The following ZNF573 variants were observed in gnomAD, a reference collection of about 807,000 sequenced individuals.
ZNF573 encodes zinc finger protein 573.
In ZNF573, 41 loss-of-function variants were observed where a neutral mutation model predicts 57.4. The observed-to-expected ratio is 0.71, with a 90% CI of 0.56 to 0.93. The LOEUF is 0.93. Ranked by LOEUF, ZNF573 falls within the 40% of genes least tolerant of loss-of-function variation. The pLI, the probability that ZNF573 is intolerant of heterozygous loss-of-function variation, is 0.00. For synonymous variants in ZNF573, 249 were observed against 261.0 expected (o/e 0.95, Z 0.44); for missense variants, 730 against 794.8 (o/e 0.92, Z 0.98).
chr19:37,739,260 G>A lies in ZNF573; in HGVS notation c.1230C>T (p.Gly410=), dbSNP rs202206860. 3.3e-5 allele frequency: 53 copies of A among 1,613,216 alleles called. No homozygotes were observed. Among genetic ancestry groups the A allele is most frequent in the Admixed American group, 1.0e-4 (6 of 59,920 alleles). Residue 410 remains glycine (G), a synonymous_variant, in exon 5 of 5, where the codon GGC becomes GGT. Transcript: ENST00000536220. ...KLFQHQKTHT[G]EKPYECKECG... The stretch of plus-strand genomic sequence containing the variant: ...ATTCCTTGCATTCATAGGGTTTCTC[G>A]CCAGTATGAGTTTTCTGATGTTGAA...
At chr19:37,768,964 C>T (rs2045627747) in intron 4 of ZNF573, among the ~76,000 whole-genome samples, 1 of 150,772 alleles carries the variant, frequency 6.6e-6, no homozygotes, top group African/African-American at 2.4e-5. Flanking sequence ...CTGCGCCCGG[C>T]CTATTTTATT....
In ZNF573 at chr19:37,758,206, T is replaced by C. The variant is rs374246833; in HGVS notation, c.295+11799A>G. ...CTAGAACTTAAAGTATAATAAAATA[T>C]ATATATATATATATATATATATATA... On this transcript the variant is annotated intron_variant, in intron 4 of 4. Transcript: ENST00000536220. Among the ~76,000 whole-genome samples the C allele has an allele frequency of 2.1e-3, 10 of 4,692 alleles. No homozygotes were observed. In the East Asian group the frequency reaches 0.034, roughly 16 times the overall value. The allele number at this position is 4,692 out of a possible 152,430, so 3.1% of individuals were successfully genotyped here.
In ZNF573 at chr19:37,738,980, C is replaced by T. The variant is rs778975091; in HGVS notation, c.1510G>A (p.Gly504Ser). Residue 504 changes from glycine to serine, a missense_variant, in exon 5 of 5, where the codon GGC (glycine) becomes AGC (serine). Transcript: ENST00000536220. Reference protein sequence around the residue: ...GEKPYKCKECGKTFSLHGYLN... With the variant: ...GEKPYKCKECSKTFSLHGYLN... ...TATCCATGCAAGCTAAAGGTCTTGC[C>T]ACATTCCTTACATTTATAGGGTTTC... The T allele has an allele frequency of 5.6e-6, 9 of 1,613,804 alleles. No homozygotes were observed. The highest frequency in any genetic ancestry group is 1.7e-4 in the Middle Eastern group (1 of 6,058).
chr19:37,739,070 C>T lies in ZNF573; in HGVS notation c.1420G>A (p.Glu474Lys). 6.2e-7 allele frequency: 1 copy of T among 1,612,708 alleles called. No homozygotes were observed. Among genetic ancestry groups the T allele is most frequent in the Non-Finnish European group, 8.5e-7 (1 of 1,179,642 alleles). The change falls in exon 5 of 5, where the codon GAA (glutamate) becomes AAA (lysine). Residue 474 changes from glutamate to lysine, a missense_variant. Coordinates refer to ENST00000536220, the MANE Select transcript of ZNF573 (RefSeq NM_001172690.2). ...HTGKKLFECQ[E>K]CGKAYSTGSN... Reference sequence around the variant, plus strand: ...CCAGTACTATAGGCCTTCCCACATTCCTGACATTCAAAAAGTTTCTTACCA... The same window carrying T: ...CCAGTACTATAGGCCTTCCCACATTTCTGACATTCAAAAAGTTTCTTACCA...
Position 37,738,728 on chromosome 19 carries a change from C to T in ZNF573, c.1762G>A (p.Gly588Arg), listed in dbSNP as rs1568413402. ...TAGCCATACATTTTAAAGGCCTTTC[C>T]ACATTCTTTACATTCATAGGGTTTT... is the stretch of plus-strand genomic sequence containing the variant. ...DKKPYECKEC[G>R]KAFKMYGYLT... is the part of the protein sequence containing the mutation. Residue 588 changes from glycine to arginine, a missense_variant, in exon 5 of 5, where the codon GGA (glycine) becomes AGA (arginine). Gly to Arg is a moderately radical substitution (Grantham distance 125, BLOSUM62 -2). Transcript: ENST00000536220. 6.2e-7 allele frequency: 1 copy of T among 1,613,222 alleles called. No homozygotes were observed. The highest frequency in any genetic ancestry group is 8.5e-7 in the Non-Finnish European group (1 of 1,179,798).
chr19:37,738,680 G>A lies in ZNF573; in HGVS notation c.1810C>T (p.His604Tyr), dbSNP rs754219425. 1.2e-6 allele frequency: 2 copies of A among 1,611,734 alleles called. No homozygotes were observed. The highest frequency in any genetic ancestry group is 1.7e-6 in the Non-Finnish European group (2 of 1,179,114). The change falls in exon 5 of 5, where the codon CAT (histidine) becomes TAT (tyrosine). Residue 604 changes from histidine (H) to tyrosine (Y), a missense_variant. His to Tyr is a moderately conservative substitution (Grantham distance 83). Transcript: ENST00000536220. ...YGYLTQHQKI[H>Y]TGGKPYECKE... ...CATTCATAAGGTTTTCCACCAGTAT[G>A]AATTTTCTGATGTTGGGTAAGGTAG...
intron 4 of ZNF573, among the ~76,000 whole-genome samples, chr19:37,762,932 C>T (rs1362366773): frequency 6.6e-6 from 1 of 152,098 alleles, no homozygotes; most frequent in South Asian, 2.1e-4. Flanking sequence ...CCACCACACC[C>T]GGCTAATTTT....
At chr19:37,774,215 G>A (rs534067229) in intron 1 of ZNF573, among the ~76,000 whole-genome samples, 127 of 141,846 alleles carry the variant, frequency 9.0e-4, no homozygotes, top group Admixed American at 1.9e-3. Context: ...TTGGCTCGCT[G>A]CAACCTCTGC....
At chr19:37,759,260 A>G in intron 4 of ZNF573, 1 of 452,942 alleles carries the variant, frequency 2.2e-6, no homozygotes, top group Non-Finnish European at 2.9e-6. Flanking sequence ...GCACCATTAG[A>G]AATTTATAGC....
intron 1 of ZNF573, chr19:37,778,610 A>G (rs1333280303): frequency 6.6e-6 from 1 of 151,984 alleles, no homozygotes; most frequent in Non-Finnish European, 1.5e-5. Flanking sequence ...AGTAAAACAT[A>G]CTCTAAAACC....
chr19:37,773,768 G>T lies in ZNF573; in HGVS notation c.-22-17C>A, dbSNP rs766035798. The T allele has an allele frequency of 1.4e-6, 2 of 1,430,914 alleles. No individual in the cohort carries two copies. Among genetic ancestry groups the T allele is most frequent in the South Asian group, 2.5e-5 (2 of 80,966 alleles). The allele number at this position is 1,430,914 out of a possible 1,614,324, so 88.6% of individuals were successfully genotyped here. A position where few individuals can be genotyped will look rare whatever the true frequency, so the allele number is the denominator to read the frequency against. On this transcript the variant is annotated splice_polypyrimidine_tract_variant and intron_variant, in intron 1 of 4. Coordinates refer to ENST00000536220, the MANE Select transcript of ZNF573 (RefSeq NM_001172690.2). ...AATCCAGAGCTGAGAGAAGAAAAGA[G>T]ATGTTAGTGTTCCCAATATGACTTA...
chr19:37,747,754 G>A (rs369610677), intron 4 of ZNF573, among the ~76,000 whole-genome samples: 14 of 151,826 alleles, frequency 9.2e-5, no homozygotes, highest in African/African-American at 2.9e-4. Flanking sequence ...GCCCAAGCTG[G>A]TCGGCTCACT....
chr19:37,753,547 T>C lies in ZNF573; in HGVS notation c.296-13353A>G, dbSNP rs373345495. Reference sequence around the variant, plus strand: ...AAGTATATTTGTAAATGGAAATATATGGTATTCAAAATAAAAACAGAAAGA... The same window carrying C: ...AAGTATATTTGTAAATGGAAATATACGGTATTCAAAATAAAAACAGAAAGA... On this transcript the variant is annotated intron_variant, in intron 4 of 4. Coordinates refer to ENST00000536220, the MANE Select transcript of ZNF573 (RefSeq NM_001172690.2). 9.2e-5 allele frequency among the ~76,000 whole-genome samples: 14 copies of C among 152,184 alleles called. No individual in the cohort carries two copies. The East Asian group carries it at 2.5e-3, about 27-fold the overall frequency.
rs755807887 is a variant in ZNF573, at chr19:37,739,266, A to G, written c.1224T>C (p.His408=). ...GSKLFQHQKT[H]TGEKPYECKE... ...TGCATTCATAGGGTTTCTCGCCAGT[A>G]TGAGTTTTCTGATGTTGAAAGAGTT... The change falls in exon 5 of 5, where the codon CAT becomes CAC. Residue 408 remains histidine, a synonymous_variant. Transcript: ENST00000536220. 6.2e-7 allele frequency: 1 copy of G among 1,614,098 alleles called. No individual in the cohort carries two copies. The highest frequency in any genetic ancestry group is 1.1e-5 in the South Asian group (1 of 91,078).
At chr19:37,744,471 C>T (rs572470653) in intron 4 of ZNF573, among the ~76,000 whole-genome samples, 1 of 152,168 alleles carries the variant, frequency 6.6e-6, no homozygotes, top group South Asian at 2.1e-4. Context: ...GGAGTGGTGG[C>T]TCACGCCTAT....
intron 1 of ZNF573, among the ~76,000 whole-genome samples, chr19:37,777,831 T>C (rs1312534245): frequency 6.7e-6 from 1 of 149,912 alleles, no homozygotes; most frequent in Non-Finnish European, 1.5e-5. Context: ...GTCAGGAGAC[T>C]GAGACCACGG....
chr19:37,775,074 TGG>T (rs1485656861), intron 1 of ZNF573, among the ~76,000 whole-genome samples: 3 of 149,914 alleles, frequency 2.0e-5, no homozygotes, highest in African/African-American at 7.4e-5. Flanking sequence ...TGGAGTACAG[TGG>T]TGTGATCATA....
intron 4 of ZNF573, among the ~76,000 whole-genome samples, chr19:37,750,869 G>T (rs2045428021): frequency 6.7e-6 from 1 of 150,070 alleles, no homozygotes; most frequent in African/African-American, 2.4e-5. Flanking sequence ...TTTTTCTTGT[G>T]GAAAATGACA....
chr19:37,750,429 C>T (rs1402028480), intron 4 of ZNF573, among the ~76,000 whole-genome samples: 1 of 152,076 alleles, frequency 6.6e-6, no homozygotes, highest in Non-Finnish European at 1.5e-5. Flanking sequence ...GCAATCCAAT[C>T]CCACTCATGA....
Sources: gnomAD v4.1 joint callset for allele counts (sites outside exome capture counted in the v4.1 genomes callset) on GRCh38, gnomAD v4.1.1 for gene constraint, MANE v1.5 for transcripts, NCBI Gene and HGNC (gene_info 2026-07-23, HGNC 2026-07-21) for gene names.